The following EXOC2 variants were observed in gnomAD, a reference collection of about 807,000 sequenced individuals.
EXOC2 encodes SEC5-like 1.
A neutral mutation model predicts 131.8 loss-of-function variants in EXOC2; 70 were observed. The ratio of observed to expected loss-of-function variants is 0.53; its 90% CI spans 0.44 to 0.65. The LOEUF is 0.65. Ranked by LOEUF, EXOC2 falls within the 30% of genes least tolerant of loss-of-function variation. The probability of loss-of-function intolerance (pLI) is 0.00; values close to 1 mark genes in which losing one functional copy is unlikely to be tolerated. For missense variants in EXOC2, 923 were observed against 1,108.6 expected, an observed-to-expected ratio of 0.83 and a Z score of 2.38; for synonymous variants, 411 against 398.4, an observed-to-expected ratio of 1.03 and a Z score of -0.38.
At position 598,843 on chromosome 6, in the gene EXOC2, T is replaced by C. The variant is rs1037111115; in HGVS notation, c.970+17A>G. 1.9e-6 allele frequency: 3 copies of C among 1,589,464 alleles called. No homozygotes were observed. Among genetic ancestry groups the C allele is most frequent in the Non-Finnish European group, 2.6e-6 (3 of 1,165,006 alleles). On this transcript the variant is annotated intron_variant, in intron 9 of 27. Coordinates refer to ENST00000230449, the MANE Select transcript of EXOC2 (RefSeq NM_018303.6). Reference sequence around the variant, plus strand: ...AAAAGGAAAGGAGAAGATCTAAAAGTAATACATGAATCTTACATTTCTTGA... The same window carrying C: ...AAAAGGAAAGGAGAAGATCTAAAAGCAATACATGAATCTTACATTTCTTGA...
chr6:574,522 G>A (rs1338898328), intron 12 of EXOC2, among the ~76,000 whole-genome samples: 6 of 152,208 alleles, frequency 3.9e-5, no homozygotes, highest in Admixed American at 3.9e-4. Context: ...CACGTCCTCT[G>A]TGTAGGCTAT....
chr6:491,165 A>C lies in EXOC2; in HGVS notation c.2581T>G (p.Leu861Val). 6.2e-7 allele frequency: 1 copy of C among 1,614,182 alleles called. No homozygotes were observed. The highest frequency in any genetic ancestry group is 1.3e-5 in the African/African-American group (1 of 75,048). The change falls in exon 26 of 28, where the codon TTG becomes GTG. Residue 861 changes from leucine to valine, a missense_variant. Physicochemically the swap from Leu to Val is conservative, Grantham distance 32 (BLOSUM62 1). Transcript: ENST00000230449. ...ALQARLEICA[L>V]RDTVAVYLTP... is the part of the protein sequence containing the mutation. Reference sequence around the variant, plus strand: ...AGGTAAACAGCCACAGTGTCCCTCAAAGCACAGATTTCAAGTCTCGCCTGA... The same window carrying C: ...AGGTAAACAGCCACAGTGTCCCTCACAGCACAGATTTCAAGTCTCGCCTGA...
intron 25 of EXOC2, among the ~76,000 whole-genome samples, chr6:496,713 TA>T (rs908035596): frequency 2.6e-4 from 40 of 151,626 alleles, no homozygotes; most frequent in Admixed American, 2.0e-4. Flanking sequence ...TTTTCAAAAT[TA>T]AAAAAAAAAT....
chr6:490,562 T>G (rs1763373893), intron 26 of EXOC2, among the ~76,000 whole-genome samples: 1 of 152,220 alleles, frequency 6.6e-6, no homozygotes, highest in African/African-American at 2.4e-5. Context: ...CATATTACAG[T>G]GTCCTCAAAC....
At chr6:674,716 T>A (rs1280249120) in intron 1 of EXOC2, among the ~76,000 whole-genome samples, 1 of 137,652 alleles carries the variant, frequency 7.3e-6, no homozygotes, top group Non-Finnish European at 1.6e-5. Flanking sequence ...TTAACCATGT[T>A]TGTTTGTTTG....
chr6:638,545 TA>T (rs1182060812), intron 1 of EXOC2, among the ~76,000 whole-genome samples: 2 of 152,200 alleles, frequency 1.3e-5, no homozygotes, highest in Non-Finnish European at 2.9e-5. Context: ...AAAGTGGAGC[TA>T]GAAACAGAAA....
intron 25 of EXOC2, among the ~76,000 whole-genome samples, chr6:492,203 C>T (rs1183830570): frequency 6.6e-6 from 1 of 152,146 alleles, no homozygotes. Flanking sequence ...AAGGACGACC[C>T]ACAGAATGAG....
At chr6:668,655 G>A (rs1198693797) in intron 1 of EXOC2, among the ~76,000 whole-genome samples, 2 of 152,108 alleles carry the variant, frequency 1.3e-5, no homozygotes, top group Non-Finnish European at 2.9e-5. Context: ...CATTCAGCCA[G>A]TAAAAGTAGA....
intron 17 of EXOC2, among the ~76,000 whole-genome samples, chr6:557,593 G>C (rs1361897139): frequency 6.7e-6 from 1 of 148,906 alleles, no homozygotes; most frequent in African/African-American, 2.5e-5. Flanking sequence ...ACTCCAGCCT[G>C]GGTGACAGAG....
intron 11 of EXOC2, 82 bp downstream of exon 11, chr6:592,387 G>GTGCCTTCATC (rs1759588835): frequency 1.7e-6 from 2 of 1,207,176 alleles, no homozygotes; most frequent in South Asian, 2.7e-5. Flanking sequence ...TAGGTAGTCA[G>GTGCCTTCATC]TGCCTTCATC....
chr6:555,228 G>A lies in EXOC2; in HGVS notation c.2053C>T (p.His685Tyr), dbSNP rs746293627. The change falls in exon 20 of 28, where the codon CAT (histidine) becomes TAT (tyrosine). Residue 685 changes from histidine to tyrosine, a missense_variant and splice_region_variant. Transcript: ENST00000230449. ...GAGATTAATTTAATTTTTACTTACT[G>A]TGTAGTATCTATATCTGCATCAGGC... ...TKPDADIDTT[H>Y]LSVDVSSPDL... 1 of 1,487,786 alleles carries A rather than the reference G, an allele frequency of 6.7e-7. No individual in the cohort carries two copies. The highest frequency in any genetic ancestry group is 1.5e-5 in the South Asian group (1 of 66,378). 92.2% of individuals were successfully genotyped at this position (1,487,786 alleles called of 1,614,324 possible).
chr6:685,682 T>C lies in EXOC2; in HGVS notation c.-44+7337A>G, dbSNP rs1764611004. On this transcript the variant is annotated intron_variant, in intron 1 of 27. Coordinates refer to ENST00000230449, the MANE Select transcript of EXOC2 (RefSeq NM_018303.6). ...TCCAAATTAATCCTCTTGCTCCTCC[T>C]GCTCCATCCCCAAATCATAGTTAAC... Among the ~76,000 whole-genome samples the C allele has an allele frequency of 2.0e-5, 3 of 152,118 alleles. No homozygotes were observed. In the South Asian group the frequency reaches 6.2e-4, roughly 32 times the overall value.
At position 486,626 on chromosome 6, in the gene EXOC2, CTT is replaced by C. The variant is rs1158802050; in HGVS notation, c.*43_*44del. The C allele has an allele frequency of 1.3e-6, 2 of 1,512,920 alleles. No homozygotes were observed. Among genetic ancestry groups the C allele is most frequent in the Non-Finnish European group, 1.8e-6 (2 of 1,088,076 alleles). 93.7% of individuals were successfully genotyped at this position (1,512,920 alleles called of 1,614,324 possible). On this transcript the variant is annotated 3_prime_UTR_variant, in exon 28 of 28. Transcript: ENST00000230449. ...TTAGGGTACTTAGAGAGTGAACAGT[CTT>C]ATTACGTGTTATTTTCCTGGACTTC...
chr6:535,631 A>G (rs529307471), intron 22 of EXOC2, among the ~76,000 whole-genome samples: 4 of 152,220 alleles, frequency 2.6e-5, no homozygotes, highest in African/African-American at 4.8e-5. Context: ...AAGTAGTCCT[A>G]TATTTATTAA....
chr6:652,051 A>AT (rs1201048424), intron 1 of EXOC2, among the ~76,000 whole-genome samples: 1 of 148,666 alleles, frequency 6.7e-6, no homozygotes, highest in Non-Finnish European at 1.5e-5. Flanking sequence ...GTGAGATTCC[A>AT]TCTCAAAAAA....
At chr6:686,522 A>T (rs1186063681) in intron 1 of EXOC2, among the ~76,000 whole-genome samples, 3 of 152,154 alleles carry the variant, frequency 2.0e-5, no homozygotes, top group Admixed American at 2.0e-4. Context: ...TGTGCATGAG[A>T]TGACTAGGAA....
At chr6:686,587 G>C (rs1764666318) in intron 1 of EXOC2, among the ~76,000 whole-genome samples, 1 of 152,174 alleles carries the variant, frequency 6.6e-6, no homozygotes, top group Non-Finnish European at 1.5e-5. Context: ...TTAGCTCTCA[G>C]AGCCCCCATA....
intron 10 of EXOC2, among the ~76,000 whole-genome samples, chr6:597,165 C>G: frequency 6.6e-6 from 1 of 152,094 alleles, no homozygotes; most frequent in Non-Finnish European, 1.5e-5. Context: ...ATTCACCTCT[C>G]TTAATATCAC....
chr6:558,505 C>T (rs1051243432), intron 17 of EXOC2, among the ~76,000 whole-genome samples: 16 of 152,120 alleles, frequency 1.1e-4, no homozygotes, highest in East Asian at 5.8e-4. Context: ...GAAATTCAAC[C>T]GTGGGCCATT....
Sources: gnomAD v4.1 joint callset for allele counts (sites outside exome capture counted in the v4.1 genomes callset) on GRCh38, gnomAD v4.1.1 for gene constraint, MANE v1.5 for transcripts, NCBI Gene and HGNC (gene_info 2026-07-23, HGNC 2026-07-21) for gene names.